Variants in CA10 observed in about 807,000 individuals in gnomAD.
CA10 encodes the protein carbonic anhydrase-related protein 10.
Under a neutral mutation model 44.2 loss-of-function variants are expected in CA10, and 14 were observed. That is an observed-to-expected ratio of 0.32 (90% CI 0.21 to 0.50). CA10 has a LOEUF of 0.50. Among genes scored for constraint, CA10 ranks in the 20% least tolerant of loss-of-function variants. The pLI is 0.99. For synonymous variants in CA10, 159 were observed against 141.6 expected, an observed-to-expected ratio of 1.12 and a Z score of -0.87; for missense variants, 350 against 409.7, an observed-to-expected ratio of 0.85 and a Z score of 1.26.
rs1989686178 is a variant in CA10, at chr17:52,150,743, C to A, written c.61+6983G>T. Among the ~76,000 whole-genome samples, 4 of 152,084 alleles carry A rather than the reference C, an allele frequency of 2.6e-5. 1 individual carries two copies. The South Asian group carries it at 8.3e-4, about 32-fold the overall frequency. On this transcript the variant is annotated intron_variant, in intron 1 of 8. Transcript: ENST00000451037. The stretch of plus-strand genomic sequence containing the variant: ...GTCAAATAGTGTATCTATTGCTTAA[C>A]CCATAATTAATCTTCATGACACCAA...
At chr17:51,792,706 T>G (rs1049879219) in intron 3 of CA10, among the ~76,000 whole-genome samples, 1 of 152,186 alleles carries the variant, frequency 6.6e-6, no homozygotes, top group Non-Finnish European at 1.5e-5. Context: ...GAGAGGCTGG[T>G]CTGCATTATA....
intron 3 of CA10, among the ~76,000 whole-genome samples, chr17:51,905,456 G>T (rs1348672575): frequency 1.3e-5 from 2 of 151,232 alleles, no homozygotes; most frequent in African/African-American, 4.9e-5. Context: ...GCTAGTAAGT[G>T]GAATTTCTAT....
At chr17:51,876,160 GTTTTTTT>G (rs3033579) in intron 3 of CA10, among the ~76,000 whole-genome samples, 58 of 59,798 alleles carry the variant, frequency 9.7e-4, no homozygotes, top group African/African-American at 3.8e-3. Context: ...TTCTTCTCTC[GTTTTTTT>G]TTTTTTTTTT....
intron 3 of CA10, among the ~76,000 whole-genome samples, chr17:51,841,188 C>T (rs1352330982): frequency 6.6e-6 from 1 of 152,164 alleles, no homozygotes; most frequent in Non-Finnish European, 1.5e-5. Flanking sequence ...CAGACCTCAC[C>T]CTCCCACACC....
At chr17:51,840,560 TGATA>T (rs376865814) in intron 3 of CA10, among the ~76,000 whole-genome samples, 394 of 150,994 alleles carry the variant, frequency 2.6e-3, no homozygotes, top group Middle Eastern at 0.01. Flanking sequence ...AGTTGGTAGG[TGATA>T]GATAGAGGGA....
At chr17:51,741,271 C>A (rs1250796540) in intron 4 of CA10, among the ~76,000 whole-genome samples, 1 of 152,116 alleles carries the variant, frequency 6.6e-6, no homozygotes, top group Non-Finnish European at 1.5e-5. Context: ...TCCAGGGTAG[C>A]GCTTAATTGT....
chr17:51,677,895 C>A (rs1487560237), intron 4 of CA10, among the ~76,000 whole-genome samples: 2 of 142,656 alleles, frequency 1.4e-5, no homozygotes, highest in South Asian at 2.2e-4. Context: ...ACCCCCCCCC[C>A]CACCGGCTGC....
chr17:51,947,824 C>A (rs879445625), intron 2 of CA10, among the ~76,000 whole-genome samples: 2 of 152,028 alleles, frequency 1.3e-5, no homozygotes, highest in African/African-American at 2.4e-5. Flanking sequence ...CTTCTGCTTG[C>A]AAAGCCCTAT....
intron 1 of CA10, among the ~76,000 whole-genome samples, chr17:52,120,802 G>A (rs1196838555): frequency 1.3e-5 from 2 of 152,144 alleles, no homozygotes; most frequent in Non-Finnish European, 2.9e-5. Flanking sequence ...CGATCTGTGA[G>A]GTGGGATCCT....
chr17:52,074,637 C>T (rs1208906254), intron 1 of CA10, among the ~76,000 whole-genome samples: 1 of 151,890 alleles, frequency 6.6e-6, no homozygotes, highest in Non-Finnish European at 1.5e-5. Flanking sequence ...AGCTTTTTAC[C>T]TAATTATTTT....
At chr17:51,728,630 C>A (rs182826292) in intron 4 of CA10, among the ~76,000 whole-genome samples, 6 of 152,278 alleles carry the variant, frequency 3.9e-5, no homozygotes, top group South Asian at 2.1e-4. Context: ...CCCTTCTCTT[C>A]GCATCAGAGG....
chr17:51,689,762 C>T (rs905282197), intron 4 of CA10, among the ~76,000 whole-genome samples: 10 of 152,088 alleles, frequency 6.6e-5, no homozygotes, highest in African/African-American at 2.4e-4. Flanking sequence ...CCCTTTCTTC[C>T]TTCCTTTAGC....
chr17:51,775,560 T>C (rs1905787891), intron 3 of CA10, among the ~76,000 whole-genome samples: 1 of 152,196 alleles, frequency 6.6e-6, no homozygotes, highest in South Asian at 2.1e-4. Flanking sequence ...CACATATTTA[T>C]TGTGTATCTA....
intron 2 of CA10, among the ~76,000 whole-genome samples, chr17:52,018,120 G>A (rs1012296932): frequency 2.6e-5 from 4 of 152,124 alleles, no homozygotes; most frequent in Non-Finnish European, 5.9e-5. Context: ...TCAGACAGAA[G>A]CCTGCTTCAG....
At chr17:51,778,454 C>G (rs1370117762) in intron 3 of CA10, among the ~76,000 whole-genome samples, 1 of 152,082 alleles carries the variant, frequency 6.6e-6, no homozygotes, top group Non-Finnish European at 1.5e-5. Context: ...CTTCAGATAG[C>G]TTTCTAAGGA....
At chr17:51,808,415 C>T (rs929860297) in intron 3 of CA10, among the ~76,000 whole-genome samples, 3 of 152,124 alleles carry the variant, frequency 2.0e-5, no homozygotes, top group Non-Finnish European at 4.4e-5. Context: ...TTTAGCAGTA[C>T]GTATAGCTTT....
intron 2 of CA10, among the ~76,000 whole-genome samples, chr17:52,030,446 T>G (rs1986431376): frequency 6.6e-6 from 1 of 152,186 alleles, no homozygotes; most frequent in African/African-American, 2.4e-5. Context: ...GCTTTAGTCC[T>G]GTGGGAATTG....
At chr17:52,121,762 G>C (rs981348082) in intron 1 of CA10, among the ~76,000 whole-genome samples, 1 of 151,992 alleles carries the variant, frequency 6.6e-6, no homozygotes, top group Admixed American at 6.6e-5. Flanking sequence ...TCACAGCTCA[G>C]AACACAGTGA....
intron 3 of CA10, among the ~76,000 whole-genome samples, chr17:51,754,633 G>A (rs1251750347): frequency 6.6e-6 from 1 of 151,446 alleles, no homozygotes; most frequent in Non-Finnish European, 1.5e-5. Flanking sequence ...CTGATTGGAT[G>A]AGGCCCATCA....
Sources: gnomAD v4.1 joint callset for allele counts (sites outside exome capture counted in the v4.1 genomes callset) on GRCh38, gnomAD v4.1.1 for gene constraint, MANE v1.5 for transcripts, NCBI Gene and HGNC (gene_info 2026-07-23, HGNC 2026-07-21) for gene names.